SCARF2: variants seen among roughly 807,000 people sequenced by gnomAD.
SCARF2 encodes the protein scavenger receptor expressed by endothelial cells 2 protein.
SCARF2 carries 39 observed loss-of-function variants against 73.4 expected under a neutral mutation model. That is an observed-to-expected ratio of 0.53 (90% CI 0.41 to 0.69). The LOEUF (loss-of-function observed/expected upper bound fraction) is 0.69. Among genes scored for constraint, SCARF2 ranks in the 30% least tolerant of loss-of-function variants. The pLI, the probability that SCARF2 is intolerant of heterozygous loss-of-function variation, is 0.00. For synonymous variants in SCARF2, 605 were observed against 590.0 expected, an observed-to-expected ratio of 1.03 and a Z score of -0.37; for missense variants, 1,148 against 1,303.5, an observed-to-expected ratio of 0.88 and a Z score of 1.84.
At chr22:20,427,676 C>T in intron 9 of SCARF2, 126 bp from the exon 10 acceptor site, 1 of 1,068,306 alleles carries the variant, frequency 9.4e-7, no homozygotes, top group Non-Finnish European at 1.4e-6. Flanking sequence ...CTGCAGGGGG[C>T]ACAGGCAACT....
At chr22:20,436,214 C>G (rs960891984) in intron 1 of SCARF2, among the ~76,000 whole-genome samples, 3 of 152,252 alleles carry the variant, frequency 2.0e-5, no homozygotes, top group Admixed American at 6.5e-5. Flanking sequence ...GAGCAGGCGC[C>G]TCCTGGGAGG....
chr22:20,428,396 C>CT, intron 9 of SCARF2, among the ~76,000 whole-genome samples: 1 of 150,618 alleles, frequency 6.6e-6, no homozygotes, highest in Non-Finnish European at 1.5e-5. Flanking sequence ...CCTCTGCCTC[C>CT]CAGGTTCAAG....
In SCARF2 at chr22:20,426,937, AAAG is replaced by A. The variant is rs200255795; in HGVS notation, c.1693+458_1693+460del. On this transcript the variant is annotated intron_variant, in intron 10 of 10. Coordinates refer to ENST00000622235, the MANE Select transcript of SCARF2 (RefSeq NM_182895.5). The stretch of plus-strand genomic sequence containing the variant: ...GGCAGACTCCGTCTCAAAAAAAAAA[AAAG>A]AGCGATAAGGCTTCTGAGGCTCTGA... 2.8e-3 allele frequency among the ~76,000 whole-genome samples: 404 copies of A among 146,428 alleles called. 1 individual carries two copies. The highest frequency in any genetic ancestry group is 8.7e-3 in the African/African-American group (345 of 39,754).
rs1601302395 is a variant in SCARF2, at chr22:20,431,935, C to T, written c.227G>A (p.Gly76Glu). Residue 76 changes from glycine to glutamate, a missense_variant, in exon 2 of 11, where the codon GGG becomes GAG. Coordinates refer to ENST00000622235, the MANE Select transcript of SCARF2 (RefSeq NM_182895.5). ...CCCCGGGATGACCCACTCACCAATC[C>T]CACACTCGTCCCCTTGCTGCCTCCA... ...AGWRQQGDEC[G>E]IAVCEGNSTC... 6.2e-7 allele frequency: 1 copy of T among 1,610,746 alleles called. No individual in the cohort carries two copies. The highest frequency in any genetic ancestry group is 2.2e-5 in the East Asian group (1 of 44,764).
rs1235864620 is a variant in SCARF2 at position 20,431,737 on chromosome 22, A to C, written c.334+8T>G. On this transcript the variant is annotated splice_region_variant and intron_variant, in intron 3 of 10. Transcript: ENST00000622235. Reference sequence around the variant, plus strand: ...CACCGACCAATACCGGCCCGACCCCACGCTCACTGGTGTCGCAGTTGGCAC... The same window carrying C: ...CACCGACCAATACCGGCCCGACCCCCCGCTCACTGGTGTCGCAGTTGGCAC... 7.2e-7 allele frequency: 1 copy of C among 1,386,768 alleles called. No individual in the cohort carries two copies. The highest frequency in any genetic ancestry group is 1.2e-5 in the South Asian group (1 of 82,472). The allele number at this position is 1,386,768 out of a possible 1,614,324, so 85.9% of individuals were successfully genotyped here.
Position 20,429,415 on chromosome 22 carries a change from A to C in SCARF2, c.1425-75T>G, listed in dbSNP as rs1214425191. On this transcript the variant is annotated intron_variant, in intron 8 of 10. Coordinates refer to ENST00000622235, the MANE Select transcript of SCARF2 (RefSeq NM_182895.5). This position sits in a 1 kb window ranked among gnomAD's most constrained non-coding sequence, Gnocchi z 5.2. ...GGGCGATTAGATCTCGGCCGGAGCCAAGCACAGAAGGGGCGGGGCCACGTC... is the reference window on the plus strand; with the variant it reads ...GGGCGATTAGATCTCGGCCGGAGCCCAGCACAGAAGGGGCGGGGCCACGTC... 6.4e-7 allele frequency: 1 copy of C among 1,556,552 alleles called. No homozygotes were observed. Among genetic ancestry groups the C allele is most frequent in the South Asian group, 1.2e-5 (1 of 86,026 alleles).
intron 1 of SCARF2, among the ~76,000 whole-genome samples, chr22:20,432,386 G>T (rs1283456989): frequency 1.3e-5 from 2 of 152,196 alleles, no homozygotes; most frequent in Non-Finnish European, 2.9e-5. Flanking sequence ...CCAGCCTAAT[G>T]GGTGTCATGG....
rs551548293 is a variant in SCARF2, at chr22:20,434,746, G to A, written c.174-2758C>T. On this transcript the variant is annotated intron_variant, in intron 1 of 10. Transcript: ENST00000622235. ...AAGACATGCCGTAGGCTTCTCCCTC[G>A]TAGAGCATTAGTTCTGTGATTCAAA... 1.7e-3 allele frequency among the ~76,000 whole-genome samples: 266 copies of A among 152,302 alleles called. 1 individual carries two copies. Among genetic ancestry groups the A allele is most frequent in the Non-Finnish European group, 2.6e-3 (180 of 68,032 alleles).
chr22:20,437,518 G>A, intron 1 of SCARF2, 64 bp downstream of exon 1: 6 of 1,497,360 alleles, frequency 4.0e-6, no homozygotes, highest in Non-Finnish European at 5.4e-6. Context: ...CCAATGCCCG[G>A]CGCCGCCACA....
chr22:20,434,976 C>T (rs978007793), intron 1 of SCARF2, among the ~76,000 whole-genome samples: 6 of 152,178 alleles, frequency 3.9e-5, no homozygotes, highest in African/African-American at 1.4e-4. Context: ...ACACTAGCTC[C>T]CTCGGGAAGC....
intron 1 of SCARF2, among the ~76,000 whole-genome samples, chr22:20,434,268 TG>T (rs1383481023): frequency 6.6e-6 from 1 of 152,106 alleles, no homozygotes; most frequent in Non-Finnish European, 1.5e-5. Flanking sequence ...CTCTCCAGCC[TG>T]GGCAACAGAG....
intron 10 of SCARF2, among the ~76,000 whole-genome samples, 169 bp from the exon 11 acceptor site, chr22:20,426,451 G>C (rs1282712514): frequency 1.3e-5 from 2 of 152,224 alleles, no homozygotes; most frequent in African/African-American, 4.8e-5. Flanking sequence ...GTGTACTTCA[G>C]AGCCTCAGGC....
chr22:20,430,613 C>T (rs1569108927), intron 5 of SCARF2, 56 bp from the exon 6 acceptor site: 5 of 1,609,606 alleles, frequency 3.1e-6, no homozygotes, highest in East Asian at 2.2e-5. Context: ...ACCACAGCGC[C>T]CTCGACATTG....
Position 20,437,709 on chromosome 22 carries a change from C to T in SCARF2, c.46G>A (p.Gly16Arg). The change falls in exon 1 of 11, where the codon GGA becomes AGA. Residue 16 changes from glycine (G) to arginine (R), a missense_variant. Coordinates refer to ENST00000622235, the MANE Select transcript of SCARF2 (RefSeq NM_182895.5). The stretch of plus-strand genomic sequence containing the variant: ...AGCGGTGACGGCGGCCCCCCGGCTC[C>T]CCGGCGCCGCGCCGGCCCGGCCCCC... ...PRGAGPARRR[G>R]AGGPPSPLLP... The T allele has an allele frequency of 7.1e-7, 1 of 1,417,214 alleles. No individual in the cohort carries two copies. Among genetic ancestry groups the T allele is most frequent in the Non-Finnish European group, 9.2e-7 (1 of 1,090,230 alleles). The allele number at this position is 1,417,214 out of a possible 1,614,324, so 87.8% of individuals were successfully genotyped here. A position where few individuals can be genotyped will look rare whatever the true frequency, so the allele number is the denominator to read the frequency against.
At chr22:20,435,341 C>T (rs920765244) in intron 1 of SCARF2, among the ~76,000 whole-genome samples, 1 of 152,224 alleles carries the variant, frequency 6.6e-6, no homozygotes, top group African/African-American at 2.4e-5. Context: ...GAGAGCCACC[C>T]TCCATCTCCC....
At chr22:20,430,338 C>T in intron 6 of SCARF2, 91 bp downstream of exon 6, 2 of 1,456,526 alleles carry the variant, frequency 1.4e-6, no homozygotes, top group East Asian at 2.5e-5. Context: ...GGTGATAACC[C>T]AGCTCAGGGT....
At position 20,429,563 on chromosome 22, in the gene SCARF2, G is replaced by A. The variant is rs1467014754; in HGVS notation, c.1397C>T (p.Ala466Val). The change falls in exon 8 of 11, where the codon GCT becomes GTT. Residue 466 changes from alanine (A) to valine (V), a missense_variant. Ala to Val is a moderately conservative substitution (Grantham distance 64, BLOSUM62 0). Coordinates refer to ENST00000622235, the MANE Select transcript of SCARF2 (RefSeq NM_182895.5). The surrounding 1 kb of genome is among the most constrained non-coding windows in gnomAD (Gnocchi z 5.2). Reference protein sequence around the residue: ...LLLSLLGCCCACRGKDPTRRE... With the variant: ...LLLSLLGCCCVCRGKDPTRRE... ...GCGCGTAGGGTCCTTGCCGCGGCAA[G>A]CGCAGCAGCAGCCGAGCAGCGAGAG... 1.9e-6 allele frequency: 3 copies of A among 1,613,168 alleles called. No homozygotes were observed. The highest frequency in any genetic ancestry group is 2.2e-5 in the South Asian group (2 of 91,056).
In SCARF2 at chr22:20,430,979, T is replaced by C. The variant is rs762297228; in HGVS notation, c.854+39A>G. 1.1e-3 allele frequency: 1,800 copies of C among 1,567,830 alleles called. 4 individuals are homozygous for C. The highest frequency in any genetic ancestry group is 1.4e-3 in the Non-Finnish European group (1,672 of 1,164,744). On this transcript the variant is annotated intron_variant, in intron 4 of 10. Transcript: ENST00000622235. Reference sequence around the variant, plus strand: ...CCCTGTCCCCATCGGCGGCCCGCCCTTCCACCTCCTCCCTCCCTGGCCGAG... The same window carrying C: ...CCCTGTCCCCATCGGCGGCCCGCCCCTCCACCTCCTCCCTCCCTGGCCGAG...
At position 20,437,570 on chromosome 22, in the gene SCARF2, G is replaced by A; in HGVS notation, c.173+12C>T. On this transcript the variant is annotated intron_variant, in intron 1 of 10. Transcript: ENST00000622235. ...CCCTCTCGCCCCCTCCCCCAGCCAG[G>A]CCGGCTCCTACCCGGGAGCACGGCA... 2 of 1,570,504 alleles carry A rather than the reference G, an allele frequency of 1.3e-6. No homozygotes were observed. Among genetic ancestry groups the A allele is most frequent in the East Asian group, 2.3e-5 (1 of 42,752 alleles).
Sources: allele counts gnomAD v4.1 joint callset (sites outside exome capture counted in the v4.1 genomes callset), GRCh38; gene constraint gnomAD v4.1.1; non-coding constraint Gnocchi (gnomAD v3.1); transcripts MANE v1.5; gene names NCBI Gene and HGNC (gene_info 2026-07-23, HGNC 2026-07-21).